AP3B1: variants seen among roughly 807,000 people sequenced by gnomAD.
The protein encoded by AP3B1 is adaptor related protein complex 3 subunit beta 1.
In AP3B1, 61 loss-of-function variants were observed where a neutral mutation model predicts 132.5. The observed-to-expected ratio is 0.46, with a 90% CI of 0.37 to 0.57. The LOEUF (loss-of-function observed/expected upper bound fraction) is 0.57. Ranked by LOEUF, AP3B1 falls within the 20% of genes least tolerant of loss-of-function variation. The probability of loss-of-function intolerance (pLI) is 0.00; values close to 1 mark genes in which losing one functional copy is unlikely to be tolerated. For synonymous variants in AP3B1, 388 were observed against 438.3 expected, an observed-to-expected ratio of 0.89 and a Z score of 1.43; for missense variants, 1,120 against 1,289.4, an observed-to-expected ratio of 0.87 and a Z score of 2.01.
At chr5:78,256,709 A>G (rs551677316) in intron 2 of AP3B1, among the ~76,000 whole-genome samples, 19 of 152,262 alleles carry the variant, frequency 1.2e-4, no homozygotes, top group African/African-American at 4.6e-4. Flanking sequence ...ACAAAGACAC[A>G]TCAAGGAAAA....
intron 25 of AP3B1, 25 bp downstream of exon 25, chr5:78,020,667 C>G: frequency 6.5e-7 from 1 of 1,541,312 alleles, no homozygotes; most frequent in African/African-American, 1.4e-5. Flanking sequence ...ATGTAAATTT[C>G]TAGTAAGTTG....
intron 22 of AP3B1, among the ~76,000 whole-genome samples, chr5:78,076,680 T>G (rs902398085): frequency 1.3e-5 from 2 of 152,324 alleles, no homozygotes; most frequent in African/African-American, 4.8e-5. Flanking sequence ...GGCTGGAGAC[T>G]GAGTTCAACT....
At chr5:78,220,862 C>T (rs1399169178) in intron 6 of AP3B1, among the ~76,000 whole-genome samples, 1 of 152,096 alleles carries the variant, frequency 6.6e-6, no homozygotes, top group Non-Finnish European at 1.5e-5. Flanking sequence ...GCCTGGGCAA[C>T]ACAGTGGGAC....
intron 26 of AP3B1, among the ~76,000 whole-genome samples, chr5:78,007,674 C>T (rs1048567601): frequency 2.0e-5 from 3 of 152,166 alleles, no homozygotes; most frequent in African/African-American, 7.2e-5. Flanking sequence ...GGAGCGCTAT[C>T]TGCCAAAGGA....
chr5:78,172,016 G>C (rs530582916), intron 11 of AP3B1, among the ~76,000 whole-genome samples: 1 of 152,264 alleles, frequency 6.6e-6, no homozygotes, highest in African/African-American at 2.4e-5. Flanking sequence ...TTTGTCGTTG[G>C]TTCTGTTTAT....
intron 2 of AP3B1, among the ~76,000 whole-genome samples, chr5:78,259,736 G>A (rs1215682745): frequency 6.6e-6 from 1 of 152,194 alleles, no homozygotes; most frequent in African/African-American, 2.4e-5. Flanking sequence ...GGGAGGCCAA[G>A]GTGGGCGGAT....
At chr5:78,231,947 C>T (rs1746665554) in intron 3 of AP3B1, among the ~76,000 whole-genome samples, 1 of 152,086 alleles carries the variant, frequency 6.6e-6, no homozygotes, top group Non-Finnish European at 1.5e-5. Flanking sequence ...AGATTCAAGT[C>T]AAGTAAGCAC....
chr5:78,163,010 C>T (rs1042372206), intron 12 of AP3B1, 59 bp from the exon 13 acceptor site: 20 of 1,509,722 alleles, frequency 1.3e-5, no homozygotes, highest in Middle Eastern at 3.4e-4. Flanking sequence ...ACCAAAACTC[C>T]GATTATATTA....
chr5:78,244,427 AAAG>A (rs146319009), intron 2 of AP3B1, among the ~76,000 whole-genome samples: 5,387 of 152,170 alleles, frequency 0.035, 259 homozygotes, highest in African/African-American at 0.11. Context: ...AAGAAAAAAA[AAAG>A]AAGAAGGACT....
chr5:78,226,328 A>T (rs1157227847), intron 5 of AP3B1, among the ~76,000 whole-genome samples: 2 of 152,124 alleles, frequency 1.3e-5, no homozygotes, highest in Non-Finnish European at 2.9e-5. Flanking sequence ...TTCACTTTCT[A>T]CAAACATACA....
At chr5:78,075,849 T>C (rs1749746145) in intron 22 of AP3B1, among the ~76,000 whole-genome samples, 1 of 152,230 alleles carries the variant, frequency 6.6e-6, no homozygotes, top group Admixed American at 6.5e-5. Context: ...TATTCCATGC[T>C]AGCTTCACCC....
chr5:78,198,972 AT>A (rs958197731), intron 7 of AP3B1, among the ~76,000 whole-genome samples: 2 of 152,072 alleles, frequency 1.3e-5, no homozygotes, highest in African/African-American at 4.8e-5. Context: ...CTGGTTTGAG[AT>A]TTTTTTTCCT....
At chr5:78,137,201 G>C (rs750718821) in intron 15 of AP3B1, among the ~76,000 whole-genome samples, 1 of 152,170 alleles carries the variant, frequency 6.6e-6, no homozygotes, top group Non-Finnish European at 1.5e-5. Flanking sequence ...AATGAGTACA[G>C]GATTTTCATT....
intron 3 of AP3B1, 66 bp downstream of exon 3, chr5:78,240,796 T>C: frequency 1.9e-6 from 2 of 1,062,512 alleles, no homozygotes; most frequent in Non-Finnish European, 2.9e-6. Context: ...TGCATTATAC[T>C]ACATAAAAAG....
intron 11 of AP3B1, among the ~76,000 whole-genome samples, chr5:78,167,553 A>G (rs1743689904): frequency 6.6e-6 from 1 of 152,174 alleles, no homozygotes; most frequent in South Asian, 2.1e-4. Context: ...TTATAGCAGC[A>G]CAATTTGCAA....
At chr5:78,099,292 T>TAA (rs1317098400) in intron 21 of AP3B1, among the ~76,000 whole-genome samples, 1 of 152,178 alleles carries the variant, frequency 6.6e-6, no homozygotes, top group Admixed American at 6.5e-5. Context: ...GGACAGTGTG[T>TAA]AAGAGTAGGT....
chr5:78,034,783 C>T (rs1176564650), intron 23 of AP3B1, among the ~76,000 whole-genome samples: 6 of 151,874 alleles, frequency 4.0e-5, no homozygotes, highest in African/African-American at 4.8e-5. Context: ...GTTCTTGTTT[C>T]GCATACCTGT....
At chr5:78,069,281 G>C (rs1749430608) in intron 22 of AP3B1, among the ~76,000 whole-genome samples, 1 of 152,154 alleles carries the variant, frequency 6.6e-6, no homozygotes, top group African/African-American at 2.4e-5. Context: ...AAGAAATAGA[G>C]TATTCAAATA....
At chr5:78,245,139 T>C (rs1747324338) in intron 2 of AP3B1, among the ~76,000 whole-genome samples, 1 of 152,150 alleles carries the variant, frequency 6.6e-6, no homozygotes. Context: ...GTTGTACTTT[T>C]GGAGGCTGCA....
Sources: gnomAD v4.1 joint callset for allele counts (sites outside exome capture counted in the v4.1 genomes callset) on GRCh38, gnomAD v4.1.1 for gene constraint, MANE v1.5 for transcripts, NCBI Gene and HGNC (gene_info 2026-07-23, HGNC 2026-07-21) for gene names.